FIG4: variants seen among roughly 807,000 people sequenced by gnomAD.
FIG4 encodes the protein polyphosphoinositide phosphatase.
FIG4 carries 112 observed loss-of-function variants against 118.6 expected under a neutral mutation model. The observed-to-expected ratio is 0.94, with a 90% CI of 0.81 to 1.11. FIG4 has a LOEUF of 1.11. Among genes scored for constraint, FIG4 ranks in the 50% least tolerant of loss-of-function variants. The pLI is 0.00. For synonymous variants in FIG4, 369 were observed against 381.2 expected (o/e 0.97, Z 0.37); for missense variants, 969 against 1,111.7 (o/e 0.87, Z 1.83).
At chr6:109,773,676 GTTGT>G (rs1193762297) in intron 15 of FIG4, among the ~76,000 whole-genome samples, 1 of 152,166 alleles carries the variant, frequency 6.6e-6, no homozygotes, top group East Asian at 1.9e-4. Flanking sequence ...TGCTATTCTT[GTTGT>G]TTGTTTGTTT....
intron 1 of FIG4, 37 bp downstream of exon 1, chr6:109,691,538 A>T (rs1289340194): frequency 6.6e-7 from 1 of 1,520,670 alleles, no homozygotes; most frequent in Admixed American, 1.9e-5. Context: ...AGGCGGGAGG[A>T]TGGATGTCTG....
chr6:109,692,365 G>A (rs1774497856), intron 1 of FIG4, among the ~76,000 whole-genome samples: 1 of 152,192 alleles, frequency 6.6e-6, no homozygotes, highest in Admixed American at 6.5e-5. Flanking sequence ...ATGTTATAGA[G>A]TGCTTTATAA....
At chr6:109,712,491 A>G (rs1032409769) in intron 1 of FIG4, among the ~76,000 whole-genome samples, 1 of 152,086 alleles carries the variant, frequency 6.6e-6, no homozygotes, top group Non-Finnish European at 1.5e-5. Context: ...TCAGAAAGCC[A>G]GTCTTCAAGC....
rs528279324 is a variant in FIG4, at chr6:109,727,157, G to A, written c.338G>A (p.Arg113Lys). The stretch of plus-strand genomic sequence containing the variant: ...TATTATATTGTGTTAATAACTAAAA[G>A]GAGGAAGATGGCGGATATTGGAGGT... Reference protein sequence around the residue: ...EGYYIVLITKRRKMADIGGHA... With the variant: ...EGYYIVLITKKRKMADIGGHA... Residue 113 changes from arginine to lysine, a missense_variant, in exon 4 of 23, where the codon AGG (arginine) becomes AAG (lysine). Coordinates refer to ENST00000230124, the MANE Select transcript of FIG4 (RefSeq NM_014845.6). 3 of 1,611,642 alleles carry A rather than the reference G, an allele frequency of 1.9e-6. No homozygotes were observed. Among genetic ancestry groups the A allele is most frequent in the Admixed American group, 1.7e-5 (1 of 59,980 alleles).
intron 10 of FIG4, among the ~76,000 whole-genome samples, chr6:109,746,587 G>GT (rs1776506393): frequency 1.3e-5 from 2 of 152,102 alleles, no homozygotes; most frequent in Non-Finnish European, 2.9e-5. Context: ...CAAGATGCTT[G>GT]TTTTGAGATG....
intron 1 of FIG4, among the ~76,000 whole-genome samples, chr6:109,692,054 T>C (rs1422561006): frequency 6.6e-6 from 1 of 151,922 alleles, no homozygotes; most frequent in East Asian, 1.9e-4. Flanking sequence ...GGATAACATC[T>C]TGCTTTTCAC....
chr6:109,716,733 G>A (rs548822238), intron 3 of FIG4, among the ~76,000 whole-genome samples, 165 bp downstream of exon 3: 7 of 152,252 alleles, frequency 4.6e-5, no homozygotes, highest in Admixed American at 1.3e-4. Context: ...AGCAAACAGC[G>A]TTTCTGTAGC....
At chr6:109,764,972 G>A (rs1583701572) in intron 13 of FIG4, 41 bp from the exon 14 acceptor site, 2 of 1,583,496 alleles carry the variant, frequency 1.3e-6, no homozygotes, top group East Asian at 2.2e-5. Context: ...GTTCTTTGGT[G>A]ATGGAATAAT....
chr6:109,771,461 C>CTTTTTTTTTTTTTTTTTT (rs71018367), intron 15 of FIG4, among the ~76,000 whole-genome samples: 2 of 86,000 alleles, frequency 2.3e-5, no homozygotes, highest in Non-Finnish European at 2.1e-5. Flanking sequence ...TCCTCTAATT[C>CTTTTTTTTTTTTTTTTTT]TTTTTTTTTT....
intron 1 of FIG4, among the ~76,000 whole-genome samples, chr6:109,707,403 A>ATATACATATATACC (rs1033657701): frequency 4.0e-5 from 6 of 148,360 alleles, no homozygotes; most frequent in Non-Finnish European, 8.9e-5. Context: ...GTATACATAC[A>ATATACATATATACC]TATACATATA....
chr6:109,787,351 T>C (rs1778001572), intron 18 of FIG4, among the ~76,000 whole-genome samples: 1 of 152,192 alleles, frequency 6.6e-6, no homozygotes, highest in Non-Finnish European at 1.5e-5. Context: ...ATTCTGTGGT[T>C]TTGTTTCCTA....
chr6:109,747,815 G>A (rs922041258), intron 10 of FIG4, among the ~76,000 whole-genome samples: 17 of 151,986 alleles, frequency 1.1e-4, no homozygotes, highest in Non-Finnish European at 1.3e-4. Flanking sequence ...AGGCATGGTC[G>A]TGCTCTATCA....
At chr6:109,823,695 C>T (rs1197048753) in intron 22 of FIG4, among the ~76,000 whole-genome samples, 1 of 152,084 alleles carries the variant, frequency 6.6e-6, no homozygotes, top group African/African-American at 2.4e-5. Context: ...TACAGGGAAT[C>T]TCCACAGGGG....
At chr6:109,818,361 C>T (rs574663074) in intron 22 of FIG4, among the ~76,000 whole-genome samples, 10 of 151,986 alleles carry the variant, frequency 6.6e-5, no homozygotes, top group Non-Finnish European at 1.3e-4. Context: ...CCACCATGCC[C>T]GGCTAATTTT....
chr6:109,725,012 T>C (rs867317288), intron 3 of FIG4, among the ~76,000 whole-genome samples: 1 of 152,142 alleles, frequency 6.6e-6, no homozygotes, highest in Non-Finnish European at 1.5e-5. Flanking sequence ...CTTAATCTTA[T>C]ATCTATTTGT....
intron 16 of FIG4, among the ~76,000 whole-genome samples, chr6:109,779,116 CA>C (rs1369724161): frequency 1.3e-5 from 2 of 151,890 alleles, no homozygotes; most frequent in African/African-American, 4.8e-5. Context: ...TTTTTGCTGA[CA>C]AAAAATTTGA....
At chr6:109,814,807 A>C (rs1778815295) in intron 22 of FIG4, among the ~76,000 whole-genome samples, 3 of 152,094 alleles carry the variant, frequency 2.0e-5, no homozygotes, top group South Asian at 2.1e-4. Context: ...TGTCTGTCCC[A>C]GCCCTGAAAT....
At chr6:109,779,525 C>A (rs1214981617) in intron 16 of FIG4, among the ~76,000 whole-genome samples, 1 of 152,158 alleles carries the variant, frequency 6.6e-6, no homozygotes, top group African/African-American at 2.4e-5. Context: ...AAAATTGTAT[C>A]TAAGTAGATA....
At chr6:109,734,245 T>C (rs1489565623) in intron 5 of FIG4, among the ~76,000 whole-genome samples, 1 of 151,732 alleles carries the variant, frequency 6.6e-6, no homozygotes, top group Admixed American at 6.6e-5. Context: ...CAAATTTGTA[T>C]AAAATATTCA....
Sources: gnomAD v4.1 joint callset for allele counts (sites outside exome capture counted in the v4.1 genomes callset) on GRCh38, gnomAD v4.1.1 for gene constraint, MANE v1.5 for transcripts, NCBI Gene and HGNC (gene_info 2026-07-23, HGNC 2026-07-21) for gene names.